The following TRHDE variants were observed in gnomAD, a reference collection of about 807,000 sequenced individuals.
TRHDE encodes the protein thyrotropin releasing hormone degrading enzyme.
TRHDE carries 72 observed loss-of-function variants against 125.7 expected under a neutral mutation model. That is an observed-to-expected ratio of 0.57 (90% CI 0.47 to 0.70). The LOEUF (loss-of-function observed/expected upper bound fraction) is 0.70, where lower values mean the gene tolerates loss of function less well. Among genes scored for constraint, TRHDE ranks in the 30% least tolerant of loss-of-function variants. The pLI is 0.00. For missense variants in TRHDE, 1,110 were observed against 1,327.1 expected (o/e 0.84, Z 2.54); for synonymous variants, 509 against 509.1 (o/e 1.00, Z 0.00).
chr12:72,375,256 G>C (rs1046815598), intron 2 of TRHDE, among the ~76,000 whole-genome samples: 2 of 152,242 alleles, frequency 1.3e-5, no homozygotes, highest in South Asian at 2.1e-4. Flanking sequence ...TGAATGTCTT[G>C]TTCATTTTGT....
intron 2 of TRHDE, among the ~76,000 whole-genome samples, chr12:72,218,876 C>A (rs1163119639): frequency 6.6e-6 from 1 of 152,144 alleles, no homozygotes; most frequent in Non-Finnish European, 1.5e-5. Context: ...AAGATGCTTT[C>A]TCCAAATAAG....
At chr12:72,348,440 T>C (rs1360092753) in intron 2 of TRHDE, among the ~76,000 whole-genome samples, 1 of 152,050 alleles carries the variant, frequency 6.6e-6, no homozygotes, top group Non-Finnish European at 1.5e-5. Context: ...CTGGGAGTCT[T>C]GCTATTTGAG....
rs138591904 is a variant in TRHDE at position 72,425,321 on chromosome 12, G to A, written c.1316-44437G>A. On this transcript the variant is annotated intron_variant, in intron 3 of 18. Coordinates refer to ENST00000261180, the MANE Select transcript of TRHDE (RefSeq NM_013381.3). Reference sequence around the variant, plus strand: ...AACCTGCATATTCCTGATTAAATATGCCTGCTGAATATAGTTAATATCAGT... The same window carrying A: ...AACCTGCATATTCCTGATTAAATATACCTGCTGAATATAGTTAATATCAGT... Among the ~76,000 whole-genome samples, 43 of 152,110 alleles carry A rather than the reference G, an allele frequency of 2.8e-4. 1 individual carries two copies. In the East Asian group the frequency reaches 7.8e-3, roughly 27 times the overall value.
intron 15 of TRHDE, among the ~76,000 whole-genome samples, chr12:72,635,367 A>C (rs1320802584): frequency 6.6e-6 from 1 of 151,748 alleles, no homozygotes; most frequent in Non-Finnish European, 1.5e-5. Context: ...TTTTCTTGTA[A>C]ATTTGTTTGA....
chr12:72,596,871 A>T (rs1257280863), intron 12 of TRHDE, among the ~76,000 whole-genome samples: 3 of 152,260 alleles, frequency 2.0e-5, no homozygotes, highest in Non-Finnish European at 4.4e-5. Flanking sequence ...TGAAAAAGAT[A>T]AAATGATAGT....
At chr12:72,214,385 C>G (rs1299077172) in intron 2 of TRHDE, among the ~76,000 whole-genome samples, 1 of 152,188 alleles carries the variant, frequency 6.6e-6, no homozygotes, top group Non-Finnish European at 1.5e-5. Flanking sequence ...TTAGGTTACT[C>G]ACATTGCACA....
intron 2 of TRHDE, among the ~76,000 whole-genome samples, chr12:72,215,896 C>A (rs1877879959): frequency 6.6e-6 from 1 of 152,104 alleles, no homozygotes; most frequent in Admixed American, 6.6e-5. Flanking sequence ...TATTTTACTT[C>A]TGAATATGCA....
chr12:72,240,657 C>T (rs993079488), intron 2 of TRHDE, among the ~76,000 whole-genome samples: 1 of 151,894 alleles, frequency 6.6e-6, no homozygotes, highest in Non-Finnish European at 1.5e-5. Context: ...GCAAGCTCCG[C>T]CTCCCAGGTT....
intron 3 of TRHDE, among the ~76,000 whole-genome samples, chr12:72,434,069 T>A (rs2135846527): frequency 6.6e-6 from 1 of 152,252 alleles, no homozygotes; most frequent in Admixed American, 6.5e-5. Flanking sequence ...CGTTCTACTG[T>A]GACTTAGTAA....
intron 7 of TRHDE, 46 bp downstream of exon 7, chr12:72,542,402 T>C: frequency 2.0e-6 from 3 of 1,514,530 alleles, no homozygotes; most frequent in Non-Finnish European, 2.7e-6. Flanking sequence ...TCCTTGTCAA[T>C]ATATTTCACA....
At chr12:72,418,121 A>G (rs1338509144) in intron 3 of TRHDE, among the ~76,000 whole-genome samples, 1 of 152,038 alleles carries the variant, frequency 6.6e-6, no homozygotes, top group African/African-American at 2.4e-5. Flanking sequence ...TTGTTGCTCA[A>G]TTTCTTTGAG....
chr12:72,347,799 G>A (rs534368711), intron 2 of TRHDE, among the ~76,000 whole-genome samples: 31 of 152,206 alleles, frequency 2.0e-4, no homozygotes, highest in African/African-American at 6.3e-4. Context: ...AAGACAGAGC[G>A]TAAGGGAGGA....
At chr12:72,357,936 C>T (rs187291898) in intron 2 of TRHDE, among the ~76,000 whole-genome samples, 1 of 151,026 alleles carries the variant, frequency 6.6e-6, no homozygotes, top group African/African-American at 2.4e-5. Context: ...AAAAAAAAGA[C>T]AACTGAAAAA....
At chr12:72,641,303 AG>A (rs1414803868) in intron 15 of TRHDE, among the ~76,000 whole-genome samples, 11 of 152,312 alleles carry the variant, frequency 7.2e-5, no homozygotes, top group African/African-American at 2.6e-4. Context: ...TTCTTCTAAC[AG>A]TAACAGAATT....
intron 6 of TRHDE, among the ~76,000 whole-genome samples, chr12:72,519,605 C>T (rs564542317): frequency 3.9e-5 from 6 of 152,286 alleles, no homozygotes; most frequent in African/African-American, 9.6e-5. Context: ...TCCAGTAGCT[C>T]GGAGTAATTT....
At chr12:72,240,625 A>G (rs1878458551) in intron 2 of TRHDE, among the ~76,000 whole-genome samples, 1 of 151,686 alleles carries the variant, frequency 6.6e-6, no homozygotes, top group Non-Finnish European at 1.5e-5. Context: ...GCTGGAGTAC[A>G]GTGGCGCGAT....
At chr12:72,119,634 G>T (rs1463772318) in intron 2 of TRHDE, among the ~76,000 whole-genome samples, 3 of 152,130 alleles carry the variant, frequency 2.0e-5, no homozygotes, top group Admixed American at 6.5e-5. Context: ...GTGAAGTGTT[G>T]AAGTTTCTAG....
intron 5 of TRHDE, among the ~76,000 whole-genome samples, chr12:72,486,068 C>T (rs919313708): frequency 1.3e-5 from 2 of 152,120 alleles, no homozygotes; most frequent in African/African-American, 2.4e-5. Flanking sequence ...GCTGCTGTAT[C>T]CTGCTCCAGG....
intron 2 of TRHDE, among the ~76,000 whole-genome samples, chr12:72,208,393 T>G (rs1188138178): frequency 6.6e-6 from 1 of 152,174 alleles, no homozygotes; most frequent in East Asian, 1.9e-4. Flanking sequence ...ATATCCAACC[T>G]GATATTCATG....
Sources: gnomAD v4.1 joint callset for allele counts (sites outside exome capture counted in the v4.1 genomes callset) on GRCh38, gnomAD v4.1.1 for gene constraint, MANE v1.5 for transcripts, NCBI Gene and HGNC (gene_info 2026-07-23, HGNC 2026-07-21) for gene names.